Variants in TMEM132C observed in about 807,000 individuals in gnomAD.
TMEM132C encodes protein phosphatase 1, regulatory subunit 152.
A neutral mutation model predicts 61.4 loss-of-function variants in TMEM132C; 29 were observed. The ratio of observed to expected loss-of-function variants is 0.47; its 90% CI spans 0.35 to 0.64. The LOEUF is 0.64. Ranked by LOEUF, TMEM132C falls within the 30% of genes least tolerant of loss-of-function variation. TMEM132C has a pLI of 0.00. For synonymous variants in TMEM132C, 656 were observed against 633.1 expected (o/e 1.04, Z -0.54); for missense variants, 1,408 against 1,476.9 (o/e 0.95, Z 0.76).
chr12:128,691,450 C>T (rs1954718560), intron 5 of TMEM132C, among the ~76,000 whole-genome samples: 1 of 152,224 alleles, frequency 6.6e-6, no homozygotes, highest in Non-Finnish European at 1.5e-5. Context: ...TCAGTGTGTG[C>T]TTCCATCCAT....
intron 4 of TMEM132C, among the ~76,000 whole-genome samples, chr12:128,622,356 AAAAAATATATATAT>A (rs1459434178): frequency 2.4e-4 from 14 of 59,214 alleles, no homozygotes; most frequent in African/African-American, 1.0e-3. Context: ...AAAAAAAAAA[AAAAAATATATATAT>A]ATATATATAT....
chr12:128,394,337 A>G (rs755131652), intron 1 of TMEM132C, among the ~76,000 whole-genome samples: 3 of 152,218 alleles, frequency 2.0e-5, no homozygotes, highest in Non-Finnish European at 4.4e-5. Flanking sequence ...GCATTCCCCA[A>G]GAACATACGG....
chr12:128,483,373 A>G (rs1429297387), intron 2 of TMEM132C, among the ~76,000 whole-genome samples: 2 of 86,190 alleles, frequency 2.3e-5, no homozygotes, highest in Non-Finnish European at 4.7e-5. Context: ...AAGCAGCCGA[A>G]GGGGCCATGG....
At chr12:128,504,155 C>T (rs1471960421) in intron 2 of TMEM132C, among the ~76,000 whole-genome samples, 2 of 152,156 alleles carry the variant, frequency 1.3e-5, no homozygotes, top group Non-Finnish European at 2.9e-5. Flanking sequence ...CCAAGCTGTT[C>T]ATGTGACAGC....
chr12:128,421,820 T>C (rs561213703), intron 2 of TMEM132C, among the ~76,000 whole-genome samples: 1 of 152,264 alleles, frequency 6.6e-6, no homozygotes, highest in Admixed American at 6.5e-5. Flanking sequence ...GAAAAACACA[T>C]ATGCAGATAG....
chr12:128,669,269 T>G, intron 4 of TMEM132C, 148 bp from the exon 5 acceptor site: 1 of 800,600 alleles, frequency 1.2e-6, no homozygotes, highest in Non-Finnish European at 1.8e-6. Flanking sequence ...TTATTCCAAG[T>G]CCTGGTACAG....
intron 4 of TMEM132C, among the ~76,000 whole-genome samples, chr12:128,640,068 T>A (rs12814042): frequency 6.6e-6 from 1 of 152,284 alleles, no homozygotes; most frequent in East Asian, 1.9e-4. Context: ...TATTGGAGGC[T>A]GCATCCCTGC....
intron 1 of TMEM132C, among the ~76,000 whole-genome samples, chr12:128,385,234 C>T (rs201579038): frequency 7.9e-6 from 1 of 126,840 alleles, no homozygotes; most frequent in East Asian, 2.5e-4. Context: ...GAGACATAAT[C>T]GCCGAGTCCT....
At chr12:128,373,681 C>T (rs768867347) in intron 1 of TMEM132C, among the ~76,000 whole-genome samples, 1 of 152,128 alleles carries the variant, frequency 6.6e-6, no homozygotes, top group African/African-American at 2.4e-5. Context: ...GACTGCTAAG[C>T]CAGATCTTAG....
chr12:128,506,517 G>A (rs577078048), intron 2 of TMEM132C, among the ~76,000 whole-genome samples: 6 of 152,252 alleles, frequency 3.9e-5, no homozygotes, highest in Non-Finnish European at 8.8e-5. Flanking sequence ...TCTGGTGGGA[G>A]CTATTTGAGG....
At chr12:128,471,704 T>G (rs1870959881) in intron 2 of TMEM132C, among the ~76,000 whole-genome samples, 1 of 152,174 alleles carries the variant, frequency 6.6e-6, no homozygotes. Context: ...GCAAATCACT[T>G]GACTTCTCTG....
intron 1 of TMEM132C, 29 bp downstream of exon 1, chr12:128,267,516 C>A: frequency 8.1e-7 from 1 of 1,231,636 alleles, no homozygotes; most frequent in South Asian, 3.4e-5. Flanking sequence ...CCTGGCGCGC[C>A]GACGCATGCG....
In TMEM132C at chr12:128,476,457, A is replaced by G. The variant is rs186535133; in HGVS notation, c.974+60837A>G. Among the ~76,000 whole-genome samples, 220 of 152,264 alleles carry G rather than the reference A, an allele frequency of 1.4e-3. 1 individual carries two copies. Among genetic ancestry groups the G allele is most frequent in the African/African-American group, 4.7e-3 (197 of 41,554 alleles). ...GGAGAGAAAGGGTGAAGAAAAGAAC[A>G]TTTCTCACGTGGCTTGCAGCTGCCT... On this transcript the variant is annotated intron_variant, in intron 2 of 8. Transcript: ENST00000435159.
chr12:128,362,069 C>T (rs1330945472), intron 1 of TMEM132C, among the ~76,000 whole-genome samples: 1 of 152,076 alleles, frequency 6.6e-6, no homozygotes, highest in African/African-American at 2.4e-5. Context: ...TAGATATCAT[C>T]AGCCACTCAC....
chr12:128,305,209 CAAT>C (rs939538825), intron 1 of TMEM132C, among the ~76,000 whole-genome samples: 1 of 151,820 alleles, frequency 6.6e-6, no homozygotes, highest in South Asian at 2.1e-4. Flanking sequence ...TCCATCTCTA[CAAT>C]AATAATAATT....
intron 1 of TMEM132C, among the ~76,000 whole-genome samples, chr12:128,272,139 A>G (rs938332154): frequency 6.6e-6 from 1 of 152,248 alleles, no homozygotes; most frequent in African/African-American, 2.4e-5. Flanking sequence ...ATTGCGGTAT[A>G]GAACGTGCCC....
intron 1 of TMEM132C, among the ~76,000 whole-genome samples, chr12:128,329,802 C>T (rs1485372812): frequency 6.6e-6 from 1 of 152,128 alleles, no homozygotes; most frequent in African/African-American, 2.4e-5. Flanking sequence ...GGTGGCTAAA[C>T]ATTACTGAGA....
Position 128,706,342 on chromosome 12 carries a change from A to C in TMEM132C, c.*47A>C, listed in dbSNP as rs1261575597. The C allele has an allele frequency of 6.9e-7, 1 of 1,458,246 alleles. No homozygotes were observed. Among genetic ancestry groups the C allele is most frequent in the Non-Finnish European group, 9.0e-7 (1 of 1,107,078 alleles). The allele number at this position is 1,458,246 out of a possible 1,614,324, so 90.3% of individuals were successfully genotyped here. A position where few individuals can be genotyped will look rare whatever the true frequency, so the allele number is the denominator to read the frequency against. On this transcript the variant is annotated 3_prime_UTR_variant, in exon 9 of 9. Coordinates refer to ENST00000435159, the MANE Select transcript of TMEM132C (RefSeq NM_001136103.3). ...TGCCCAGATGCCTTCCTTGTACTGG[A>C]AACTGGCCCAAGTGGGGCAGAAGGC...
intron 2 of TMEM132C, among the ~76,000 whole-genome samples, chr12:128,470,184 T>C (rs934895912): frequency 6.6e-6 from 1 of 152,140 alleles, no homozygotes; most frequent in African/African-American, 2.4e-5. Flanking sequence ...CCTCATTTCA[T>C]TTTTGCGGGG....
Sources: gnomAD v4.1 joint callset for allele counts (sites outside exome capture counted in the v4.1 genomes callset) on GRCh38, gnomAD v4.1.1 for gene constraint, MANE v1.5 for transcripts, NCBI Gene and HGNC (gene_info 2026-07-23, HGNC 2026-07-21) for gene names.